The following STX7 variants were observed in gnomAD, a reference collection of about 807,000 sequenced individuals.
STX7 encodes the protein syntaxin 7, also known as syntaxin-7.
A neutral mutation model predicts 39.6 loss-of-function variants in STX7; 34 were observed. That is an observed-to-expected ratio of 0.86 (90% CI 0.65 to 1.14). The LOEUF is 1.14. STX7 is among the 50% of genes most tolerant of loss of function. The pLI is 0.00. For missense variants in STX7, 284 were observed against 310.4 expected (o/e 0.92, Z 0.64); for synonymous variants, 119 against 99.1 (o/e 1.20, Z -1.19).
chr6:132,475,632 A>C lies in STX7; in HGVS notation c.116T>G (p.Leu39Arg), dbSNP rs758981256. 3 of 1,609,590 alleles carry C rather than the reference A, an allele frequency of 1.9e-6. No homozygotes were observed. In the East Asian group the frequency reaches 6.7e-5, roughly 36 times the overall value. ...SVEIQRTLNQ[L>R]GTPQDSPELR... ...TTCAGGTGAATCTTGAGGTGTTCCA[A>C]GTTGATTCAGAGTTCTTTGTATTTC... Residue 39 changes from leucine (L) to arginine (R), a missense_variant, in exon 3 of 10, where the codon CTT (leucine) becomes CGT (arginine). Physicochemically the swap from Leu to Arg is moderately radical, Grantham distance 102. Coordinates refer to ENST00000367941, the MANE Select transcript of STX7 (RefSeq NM_003569.3).
chr6:132,470,739 C>CTGTGTGTATG (rs1332875101), intron 5 of STX7, 113 bp from the exon 6 acceptor site: 1 of 698,548 alleles, frequency 1.4e-6, no homozygotes, highest in East Asian at 2.7e-5. Flanking sequence ...ATGTACGTGT[C>CTGTGTGTATG]TGTGTGTATG....
rs1312460497 is a variant in STX7, at chr6:132,513,090, G to A, written c.-142C>T. On this transcript the variant is annotated 5_prime_UTR_variant, in exon 1 of 10. Coordinates refer to ENST00000367941, the MANE Select transcript of STX7 (RefSeq NM_003569.3). ...CCCTCAGCTGCAATTCTCAGCTGAT[G>A]GGCGGTGGCGTGGGGACGCCCAGTG... is the stretch of plus-strand genomic sequence containing the variant. The A allele has an allele frequency of 2.0e-5, 3 of 152,416 alleles. No homozygotes were observed. Among genetic ancestry groups the A allele is most frequent in the Non-Finnish European group, 4.4e-5 (3 of 68,172 alleles). 9.4% of individuals were successfully genotyped at this position (152,416 alleles called of 1,614,324 possible).
chr6:132,509,277 G>C (rs890269756), intron 1 of STX7, among the ~76,000 whole-genome samples: 26 of 151,846 alleles, frequency 1.7e-4, no homozygotes, highest in Admixed American at 1.6e-3. Context: ...GGCCAACATG[G>C]TGAAATCTCA....
intron 9 of STX7, 134 bp from the exon 10 acceptor site, chr6:132,460,984 G>C (rs1483773377): frequency 1.5e-6 from 1 of 666,842 alleles, no homozygotes; most frequent in East Asian, 2.9e-5. Context: ...TCAAATTTTT[G>C]ACTGTGTTTT....
chr6:132,501,429 C>T (rs538782853), intron 2 of STX7, among the ~76,000 whole-genome samples: 16 of 152,172 alleles, frequency 1.1e-4, no homozygotes, highest in Non-Finnish European at 2.2e-4. Context: ...TGATCCAATA[C>T]TGCCCCGGAT....
intron 2 of STX7, among the ~76,000 whole-genome samples, chr6:132,485,581 A>C (rs1438805147): frequency 6.6e-6 from 1 of 152,208 alleles, no homozygotes; most frequent in East Asian, 1.9e-4. Context: ...TAGCTTTCTT[A>C]AATCAGTCAA....
intron 2 of STX7, among the ~76,000 whole-genome samples, chr6:132,485,293 C>T (rs1317370726): frequency 6.6e-6 from 1 of 152,090 alleles, no homozygotes; most frequent in Admixed American, 6.6e-5. Context: ...AGTATTTATT[C>T]GTTTTTGAAA....
At chr6:132,474,649 G>A (rs1187452082) in intron 3 of STX7, among the ~76,000 whole-genome samples, 2 of 151,912 alleles carry the variant, frequency 1.3e-5, no homozygotes, top group Admixed American at 6.6e-5. Flanking sequence ...TGGGTAACTC[G>A]TTAAACCCGT....
chr6:132,479,266 C>T (rs1242729242), intron 2 of STX7, among the ~76,000 whole-genome samples: 1 of 152,190 alleles, frequency 6.6e-6, no homozygotes, highest in East Asian at 1.9e-4. Flanking sequence ...AAAAGACCAT[C>T]CAGCGAGTTC....
chr6:132,461,774 A>G, intron 9 of STX7: 8 of 1,465,688 alleles, frequency 5.5e-6, no homozygotes, highest in Non-Finnish European at 7.3e-6. Context: ...AATGGTTAAG[A>G]ATTTTGTTCC....
In STX7 at chr6:132,448,117, C is replaced by G. The variant is rs975939604; in HGVS notation, c.*12641G>C. On this transcript the variant is annotated 3_prime_UTR_variant, in exon 10 of 10. Transcript: ENST00000367941. ...TCTTAACTTCCATCCTAAAGAGTAT[C>G]AGGATCTTGGAGCACTCACACTAAC... The G allele has an allele frequency of 1.3e-5, 2 of 152,170 alleles. No homozygotes were observed. The highest frequency in any genetic ancestry group is 2.9e-5 in the Non-Finnish European group (2 of 68,030). The allele number at this position is 152,170 out of a possible 1,614,324, so 9.4% of individuals were successfully genotyped here.
Position 132,503,703 on chromosome 6 carries a change from T to G in STX7, c.-58-115A>C, listed in dbSNP as rs530404046. 249 of 441,280 alleles carry G rather than the reference T, an allele frequency of 5.6e-4. 2 individuals are homozygous for G. The highest frequency in any genetic ancestry group is 4.5e-3 in the African/African-American group (220 of 49,016). 27.3% of individuals were successfully genotyped at this position (441,280 alleles called of 1,614,324 possible). A position where few individuals can be genotyped will look rare whatever the true frequency, so the allele number is the denominator to read the frequency against. ...CTTGATTAATCTAATAGAGTTGAAA[T>G]CTGGCAAAGTGACACATCAAATAGC... On this transcript the variant is annotated intron_variant, in intron 1 of 9. Transcript: ENST00000367941.
At position 132,509,512 on chromosome 6, in the gene STX7, C is replaced by CATAAAATAAAATAAA. The variant is rs199619816; in HGVS notation, c.-59+3494_-59+3495insTTTATTTTATTTTAT. ...CATAACATAACATAACATAACATAA[C>CATAAAATAAAATAAA]ATAAAATAAAAAAAGACAAAAGAAA... On this transcript the variant is annotated intron_variant, in intron 1 of 9. Coordinates refer to ENST00000367941, the MANE Select transcript of STX7 (RefSeq NM_003569.3). 1.3e-4 allele frequency among the ~76,000 whole-genome samples: 18 copies of CATAAAATAAAATAAA among 138,020 alleles called. 3 individuals carry two copies. The highest frequency in any genetic ancestry group is 4.8e-4 in the African/African-American group (17 of 35,502). 90.5% of individuals were successfully genotyped at this position (138,020 alleles called of 152,430 possible).
At chr6:132,497,118 A>G (rs954634968) in intron 2 of STX7, among the ~76,000 whole-genome samples, 12 of 152,202 alleles carry the variant, frequency 7.9e-5, no homozygotes, top group African/African-American at 2.9e-4. Flanking sequence ...AAGAACATAT[A>G]AGAATGTTCT....
rs117328623 is a variant in STX7, at chr6:132,493,652, C to A, written c.85+9794G>T. On this transcript the variant is annotated intron_variant, in intron 2 of 9. Coordinates refer to ENST00000367941, the MANE Select transcript of STX7 (RefSeq NM_003569.3). Reference sequence around the variant, plus strand: ...ACACCTCTTTTTCTTTATAAGCTACCCAGTCTCAGGTATGTCTTTATTAGC... The same window carrying A: ...ACACCTCTTTTTCTTTATAAGCTACACAGTCTCAGGTATGTCTTTATTAGC... Among the ~76,000 whole-genome samples, 261 of 152,258 alleles carry A rather than the reference C, an allele frequency of 1.7e-3. 6 individuals carry two copies. Among genetic ancestry groups the A allele is most frequent in the Non-Finnish European group, 6.9e-4 (47 of 68,016 alleles).
At chr6:132,512,384 A>C (rs745839637) in intron 1 of STX7, among the ~76,000 whole-genome samples, 6 of 152,168 alleles carry the variant, frequency 3.9e-5, no homozygotes, top group Admixed American at 2.6e-4. Flanking sequence ...AGGTGGAGGA[A>C]ATACTAGAAA....
At chr6:132,507,567 G>A (rs62424931) in intron 1 of STX7, among the ~76,000 whole-genome samples, 7,172 of 152,262 alleles carry the variant, frequency 0.047, 235 homozygotes, top group East Asian at 0.16. Context: ...CATACAATGT[G>A]TTCTTCGAGA....
intron 5 of STX7, among the ~76,000 whole-genome samples, chr6:132,471,181 T>C (rs1774710008): frequency 6.6e-6 from 1 of 152,230 alleles, no homozygotes; most frequent in Non-Finnish European, 1.5e-5. Flanking sequence ...GTGAGAATAC[T>C]ACTCAGGATT....
intron 3 of STX7, 79 bp from the exon 4 acceptor site, chr6:132,472,454 C>T (rs757425075): frequency 9.2e-7 from 1 of 1,087,040 alleles, no homozygotes; most frequent in Non-Finnish European, 1.3e-6. Context: ...TGAATCAACA[C>T]TGATAAACAG....
Sources: allele counts gnomAD v4.1 joint callset (sites outside exome capture counted in the v4.1 genomes callset), GRCh38; gene constraint gnomAD v4.1.1; transcripts MANE v1.5; gene names NCBI Gene and HGNC (gene_info 2026-07-23, HGNC 2026-07-21).